Variants in MUC17 observed in about 807,000 individuals in gnomAD.
MUC17 encodes the protein mucin-17.
Under a neutral mutation model 170.3 loss-of-function variants are expected in MUC17, and 190 were observed. The observed-to-expected ratio is 1.12, with a 90% confidence interval of 0.99 to 1.26. The LOEUF is 1.26. Among genes scored for constraint, MUC17 ranks in the 50% most tolerant of loss-of-function variants. MUC17 has a pLI of 0.00. For missense variants in MUC17, 6,415 were observed against 5,530.0 expected (o/e 1.16, Z -5.08); for synonymous variants, 2,325 against 2,002.5 (o/e 1.16, Z -4.30).
Position 101,038,180 on chromosome 7 carries a change from C to A in MUC17, c.6764C>A (p.Thr2255Asn). ...ACCAGCACACCTGTGACCACTTCTA[C>A]TGAAGCCACTTCATCTCCTACAACT... ...VDTSTPVTTS[T>N]EATSSPTTAE... The change falls in exon 3 of 13, where the codon ACT becomes AAT. Residue 2255 changes from threonine to asparagine, a missense_variant. Coordinates refer to ENST00000306151, the MANE Select transcript of MUC17 (RefSeq NM_001040105.2). 8.1e-6 allele frequency: 13 copies of A among 1,614,092 alleles called. No homozygotes were observed. Among genetic ancestry groups the A allele is most frequent in the Non-Finnish European group, 1.1e-5 (13 of 1,179,996 alleles).
chr7:101,037,058 G>T lies in MUC17; in HGVS notation c.5642G>T (p.Ser1881Ile), dbSNP rs371778779. 2 of 1,582,428 alleles carry T rather than the reference G, an allele frequency of 1.3e-6. No individual in the cohort carries two copies. ...SIPVSTTTVA[S>I]SETNTLSTTP... is the part of the protein sequence containing the mutation. ...CCTGTCAGCACCACAACAGTGGCCA[G>T]TTCTGAAACCAACACCCTTTCAACA... Residue 1881 changes from serine (S) to isoleucine (I), a missense_variant, in exon 3 of 13, where the codon AGT (serine) becomes ATT (isoleucine). Coordinates refer to ENST00000306151, the MANE Select transcript of MUC17 (RefSeq NM_001040105.2).
intron 1 of MUC17, among the ~76,000 whole-genome samples, chr7:101,030,049 A>G (rs940725053): frequency 3.9e-5 from 6 of 152,212 alleles, no homozygotes; most frequent in Non-Finnish European, 8.8e-5. Flanking sequence ...AAATGTATAT[A>G]TTTTTAAAAC....
At chr7:101,049,505 G>T in intron 6 of MUC17, 123 bp downstream of exon 6, 2 of 1,321,804 alleles carry the variant, frequency 1.5e-6, no homozygotes, top group Admixed American at 2.4e-5. Flanking sequence ...GAATACCACC[G>T]ATGGGGCGGC....
rs147317563 is a variant in MUC17 at position 101,045,188 on chromosome 7, A to G, written c.12403+1369A>G. 8.0e-3 allele frequency among the ~76,000 whole-genome samples: 1,225 copies of G among 152,300 alleles called. 16 individuals carry two copies. Among genetic ancestry groups the G allele is most frequent in the African/African-American group, 0.027 (1,137 of 41,552 alleles). On this transcript the variant is annotated intron_variant, in intron 3 of 12. Coordinates refer to ENST00000306151, the MANE Select transcript of MUC17 (RefSeq NM_001040105.2). ...CATTTTTAAAAGTATGCTAATTAAAATACTTGAAAACACTGATTTATTTAG... is the reference window on the plus strand; with the variant it reads ...CATTTTTAAAAGTATGCTAATTAAAGTACTTGAAAACACTGATTTATTTAG...
Position 101,037,239 on chromosome 7 carries a change from T to A in MUC17, c.5823T>A (p.Ser1941=). 6.2e-7 allele frequency: 1 copy of A among 1,611,180 alleles called. No homozygotes were observed. Among genetic ancestry groups the A allele is most frequent in the South Asian group, 1.1e-5 (1 of 90,702 alleles). Reference sequence around the variant, plus strand: ...TCAGCACCACAACAGTGGCCAGTTCTGAAATCAACACCCTTTCAACAACTC... The same window carrying A: ...TCAGCACCACAACAGTGGCCAGTTCAGAAATCAACACCCTTTCAACAACTC... ...IPVSTTTVAS[S]EINTLSTTLA... is the part of the protein sequence containing the mutation. The change falls in exon 3 of 13, where the codon TCT becomes TCA. Residue 1941 remains serine (S), a synonymous_variant. Coordinates refer to ENST00000306151, the MANE Select transcript of MUC17 (RefSeq NM_001040105.2).
chr7:101,048,785 G>A, intron 4 of MUC17, 60 bp from the exon 5 acceptor site: 1 of 1,598,526 alleles, frequency 6.3e-7, no homozygotes, highest in Non-Finnish European at 8.6e-7. Context: ...CCAGGCTGGG[G>A]GCAGATCTTC....
chr7:101,046,742 CG>C (rs1225233195), intron 3 of MUC17, among the ~76,000 whole-genome samples: 1 of 151,990 alleles, frequency 6.6e-6, no homozygotes, highest in African/African-American at 2.4e-5. Flanking sequence ...TGCACCACTG[CG>C]CTCCAACCTG....
At position 101,042,323 on chromosome 7, in the gene MUC17, C is replaced by T. The variant is rs767616643; in HGVS notation, c.10907C>T (p.Pro3636Leu). 5.0e-6 allele frequency: 8 copies of T among 1,613,920 alleles called. No individual in the cohort carries two copies. In the East Asian group the frequency reaches 1.8e-4, roughly 36 times the overall value. ...TCAACTCCTAGTGAAGTAAGCACTC[C>T]ATTAACCATTATGCCTGTCAGCACC... ...PMSTPSEVST[P>L]LTIMPVSTTS... Residue 3636 changes from proline (P) to leucine (L), a missense_variant, in exon 3 of 13, where the codon CCA (proline) becomes CTA (leucine). By Grantham distance (98) the Pro-to-Leu change is moderately conservative. Coordinates refer to ENST00000306151, the MANE Select transcript of MUC17 (RefSeq NM_001040105.2).
chr7:101,035,752 C>A lies in MUC17; in HGVS notation c.4336C>A (p.Pro1446Thr). The change falls in exon 3 of 13, where the codon CCA becomes ACA. Residue 1446 changes from proline (P) to threonine (T), a missense_variant. Physicochemically the swap from Pro to Thr is conservative, Grantham distance 38 (BLOSUM62 -1). Transcript: ENST00000306151. ...SPTTAEGISIPTSTPSEGKTP... is the reference protein window; with the variant it reads ...SPTTAEGISITTSTPSEGKTP... ...TACAACTGCTGAAGGTATCAGCATACCAACCTCAACTCCTAGTGAAGGAAA... is the reference window on the plus strand; with the variant it reads ...TACAACTGCTGAAGGTATCAGCATAACAACCTCAACTCCTAGTGAAGGAAA... 1.2e-6 allele frequency: 2 copies of A among 1,610,830 alleles called. No homozygotes were observed. The highest frequency in any genetic ancestry group is 1.7e-6 in the Non-Finnish European group (2 of 1,178,154).
intron 5 of MUC17, 53 bp from the exon 6 acceptor site, chr7:101,049,271 C>A (rs994833154): frequency 1.2e-5 from 20 of 1,612,774 alleles, no homozygotes; most frequent in Non-Finnish European, 1.7e-5. Flanking sequence ...TGATGTCCCA[C>A]AGAACGGCCC....
chr7:101,039,449 A>C lies in MUC17; in HGVS notation c.8033A>C (p.Glu2678Ala). Residue 2678 changes from glutamate to alanine, a missense_variant, in exon 3 of 13, where the codon GAA (glutamate) becomes GCA (alanine). Transcript: ENST00000306151. ...ACCAGTTCATCTCCTACAACTGCTG[A>C]AGGTAGCAGCATGCCAACCTCAACT... The part of the protein sequence containing the change: ...TGTSSSPTTA[E>A]GSSMPTSTPG... 1 of 1,611,482 alleles carries C rather than the reference A, an allele frequency of 6.2e-7. No homozygotes were observed. The highest frequency in any genetic ancestry group is 2.2e-5 in the East Asian group (1 of 44,652).
chr7:101,025,286 C>T (rs966898273), intron 1 of MUC17, among the ~76,000 whole-genome samples: 1 of 151,722 alleles, frequency 6.6e-6, no homozygotes, highest in African/African-American at 2.4e-5. Context: ...TCACTTGAGG[C>T]CAGGAGGTGG....
chr7:101,045,847 A>G (rs1486267812), intron 3 of MUC17, among the ~76,000 whole-genome samples: 2 of 152,206 alleles, frequency 1.3e-5, no homozygotes, highest in Non-Finnish European at 1.5e-5. Flanking sequence ...CTCACGACAA[A>G]GGCCAGGTGG....
In MUC17 at chr7:101,035,501, T is replaced by C. The variant is rs751762337; in HGVS notation, c.4085T>C (p.Val1362Ala). ...ATCAGCATCCTTTCAACAACTCCTGTTGACAACAGCACACCTGTGACCACT... is the reference window on the plus strand; with the variant it reads ...ATCAGCATCCTTTCAACAACTCCTGCTGACAACAGCACACCTGTGACCACT... ...SAISILSTTP[V>A]DNSTPVTTST... is the part of the protein sequence containing the mutation. The change falls in exon 3 of 13, where the codon GTT becomes GCT. Residue 1362 changes from valine to alanine, a missense_variant. Coordinates refer to ENST00000306151, the MANE Select transcript of MUC17 (RefSeq NM_001040105.2). 6.3e-7 allele frequency: 1 copy of C among 1,596,666 alleles called. No individual in the cohort carries two copies. The highest frequency in any genetic ancestry group is 8.6e-7 in the Non-Finnish European group (1 of 1,169,398).
In MUC17 at chr7:101,037,710, T is replaced by C. The variant is rs1203668022; in HGVS notation, c.6294T>C (p.Ser2098=). ...GCAGCATGACAATCTCAGCTCCTAG[T>C]GAAGGAAGTCCTCTACTAACAAGTA... ...EGSSMTISAP[S]EGSPLLTSIP... is the part of the protein sequence containing the mutation. Residue 2098 remains serine (S), a synonymous_variant, in exon 3 of 13, where the codon AGT becomes AGC. Transcript: ENST00000306151. 1 of 1,613,302 alleles carries C rather than the reference T, an allele frequency of 6.2e-7. No individual in the cohort carries two copies. Among genetic ancestry groups the C allele is most frequent in the Non-Finnish European group, 8.5e-7 (1 of 1,179,804 alleles).
intron 1 of MUC17, among the ~76,000 whole-genome samples, chr7:101,029,799 A>G (rs1302676023): frequency 6.6e-6 from 1 of 151,874 alleles, no homozygotes; most frequent in Non-Finnish European, 1.5e-5. Flanking sequence ...GGGTTTCACC[A>G]TGTTGGCCAG....
At chr7:101,056,978 T>C (rs1370574697) in intron 12 of MUC17, among the ~76,000 whole-genome samples, 1 of 152,164 alleles carries the variant, frequency 6.6e-6, no homozygotes, top group East Asian at 1.9e-4. Context: ...AGGATGGTTG[T>C]CTTGAAAAAT....
Position 101,037,651 on chromosome 7 carries a change from A to T in MUC17, c.6235A>T (p.Thr2079Ser). ...CTCCAAAACTCAGGTGACCAATTCT[A>T]CTGAAGCCAGTTCATCTGCAACCGC... ...VDSKTQVTNS[T>S]EASSSATAEG... Residue 2079 changes from threonine to serine, a missense_variant, in exon 3 of 13, where the codon ACT becomes TCT. Thr to Ser is a moderately conservative substitution (Grantham distance 58, BLOSUM62 1). Coordinates refer to ENST00000306151, the MANE Select transcript of MUC17 (RefSeq NM_001040105.2). The T allele has an allele frequency of 6.2e-7, 1 of 1,613,558 alleles. No individual in the cohort carries two copies. The highest frequency in any genetic ancestry group is 1.1e-5 in the South Asian group (1 of 91,052).
chr7:101,037,825 A>G lies in MUC17; in HGVS notation c.6409A>G (p.Thr2137Ala), dbSNP rs1286562843. The change falls in exon 3 of 13, where the codon ACT becomes GCT. Residue 2137 changes from threonine (T) to alanine (A), a missense_variant. By Grantham distance (58) the Thr-to-Ala change is moderately conservative (BLOSUM62 0). Coordinates refer to ENST00000306151, the MANE Select transcript of MUC17 (RefSeq NM_001040105.2). ...CTCCAACAGTCCTGTGATCACTTCT[A>G]CTGAAGTCAGTTCATCTCCTATACC... ...VDSNSPVITS[T>A]EVSSSPIPTE... 3.1e-6 allele frequency: 5 copies of G among 1,613,642 alleles called. No homozygotes were observed. The highest frequency in any genetic ancestry group is 2.2e-5 in the South Asian group (2 of 91,036).
Sources: allele counts gnomAD v4.1 joint callset (sites outside exome capture counted in the v4.1 genomes callset), GRCh38; gene constraint gnomAD v4.1.1; transcripts MANE v1.5; gene names NCBI Gene and HGNC (gene_info 2026-07-23, HGNC 2026-07-21).